Variants in RALYL observed in about 807,000 individuals in gnomAD.
RALYL encodes the protein RALY RNA binding protein like.
A neutral mutation model predicts 35.1 loss-of-function variants in RALYL; 29 were observed. The observed-to-expected ratio is 0.83, with a 90% confidence interval of 0.61 to 1.13. The LOEUF is 1.13. RALYL is among the 50% of genes most tolerant of loss of function. RALYL has a pLI of 0.00. For missense variants in RALYL, 359 were observed against 360.4 expected (o/e 1.00, Z 0.03); for synonymous variants, 120 against 127.6 (o/e 0.94, Z 0.40).
intron 1 of RALYL, among the ~76,000 whole-genome samples, chr8:84,527,790 G>A (rs2059007369): frequency 6.6e-6 from 1 of 152,110 alleles, no homozygotes; most frequent in Non-Finnish European, 1.5e-5. Flanking sequence ...ACAAGGCAGT[G>A]TTATAATCTT....
At chr8:84,541,739 A>G (rs1456947851) in intron 2 of RALYL, among the ~76,000 whole-genome samples, 1 of 152,080 alleles carries the variant, frequency 6.6e-6, no homozygotes, top group East Asian at 1.9e-4. Flanking sequence ...AGCAATATTT[A>G]GTAAATACAA....
At position 84,508,582 on chromosome 8, in the gene RALYL, G is replaced by GT. The variant is rs1379245298; in HGVS notation, c.-23-20716dup. On this transcript the variant is annotated intron_variant, in intron 1 of 8. Coordinates refer to ENST00000521268, the MANE Select transcript of RALYL (RefSeq NM_173848.7). ...TAAAAATCTTGAAAGGATCTGTAGT[G>GT]TGGCATATATGCTGATTATTAAAAC... Among the ~76,000 whole-genome samples, 4 of 152,044 alleles carry GT rather than the reference G, an allele frequency of 2.6e-5. No homozygotes were observed. The South Asian group carries it at 6.2e-4, about 24-fold the overall frequency.
chr8:84,192,834 T>C (rs1814257959), intron 1 of RALYL, among the ~76,000 whole-genome samples: 1 of 138,818 alleles, frequency 7.2e-6, no homozygotes, highest in Non-Finnish European at 1.5e-5. Context: ...GGAATCACCG[T>C]GCCCAGCCCG....
chr8:84,236,944 G>C (rs1305304641), intron 1 of RALYL, among the ~76,000 whole-genome samples: 1 of 152,144 alleles, frequency 6.6e-6, no homozygotes, highest in Non-Finnish European at 1.5e-5. Flanking sequence ...CACCTAATTA[G>C]TAAGTAAATG....
intron 1 of RALYL, among the ~76,000 whole-genome samples, chr8:84,477,709 A>AGAATT (rs71271998): frequency 0.36 from 54,934 of 150,690 alleles, 10,087 homozygotes; most frequent in South Asian, 0.52. Flanking sequence ...TTTAGTGAAA[A>AGAATT]GAATTAAAGC....
intron 6 of RALYL, among the ~76,000 whole-genome samples, chr8:84,863,918 G>A (rs1056638722): frequency 1.3e-5 from 2 of 152,132 alleles, no homozygotes; most frequent in African/African-American, 4.8e-5. Flanking sequence ...TCTGCAACTC[G>A]TTGGAGGTTA....
At chr8:84,591,400 C>T (rs1418852916) in intron 2 of RALYL, among the ~76,000 whole-genome samples, 2 of 152,164 alleles carry the variant, frequency 1.3e-5, no homozygotes, top group East Asian at 1.9e-4. Flanking sequence ...TGGGTCGCTT[C>T]GCCTTGCCAC....
At chr8:84,337,327 T>C (rs981583850) in intron 1 of RALYL, among the ~76,000 whole-genome samples, 4 of 150,364 alleles carry the variant, frequency 2.7e-5, no homozygotes, top group African/African-American at 9.9e-5. Context: ...CAGGAATGAA[T>C]TGTTTTTTTT....
chr8:84,452,447 A>G (rs1587397512), intron 1 of RALYL, among the ~76,000 whole-genome samples: 2 of 151,952 alleles, frequency 1.3e-5, no homozygotes, highest in South Asian at 4.1e-4. Flanking sequence ...CTCATTGCCA[A>G]TTATGAAAGT....
chr8:84,425,546 G>C (rs1390416599), intron 1 of RALYL, among the ~76,000 whole-genome samples: 2 of 152,174 alleles, frequency 1.3e-5, no homozygotes, highest in South Asian at 2.1e-4. Flanking sequence ...GACTGGAGCT[G>C]TTCCTATTCG....
chr8:84,210,106 G>T (rs1819099539), intron 1 of RALYL, among the ~76,000 whole-genome samples: 1 of 152,052 alleles, frequency 6.6e-6, no homozygotes, highest in Admixed American at 6.6e-5. Flanking sequence ...ACAGTACACA[G>T]CTCAAGGTAG....
chr8:84,711,570 T>G (rs1589142335), intron 2 of RALYL, among the ~76,000 whole-genome samples: 1 of 152,116 alleles, frequency 6.6e-6, no homozygotes, highest in African/African-American at 2.4e-5. Context: ...AATCTTCCTA[T>G]GAGAAAAAGT....
intron 1 of RALYL, among the ~76,000 whole-genome samples, chr8:84,327,244 TTTTGAG>T (rs1178760418): frequency 2.6e-5 from 4 of 151,838 alleles, no homozygotes; most frequent in Non-Finnish European, 5.9e-5. Flanking sequence ...TTGTAAATGA[TTTTGAG>T]TTTAATTAGG....
chr8:84,723,354 C>T (rs777931196), intron 2 of RALYL, among the ~76,000 whole-genome samples: 3 of 151,984 alleles, frequency 2.0e-5, no homozygotes, highest in Non-Finnish European at 2.9e-5. Flanking sequence ...CAGTGCAGTA[C>T]TGACTTACTG....
At chr8:84,584,793 T>A (rs1290337579) in intron 2 of RALYL, among the ~76,000 whole-genome samples, 2 of 152,104 alleles carry the variant, frequency 1.3e-5, no homozygotes, top group South Asian at 2.1e-4. Context: ...GTGGGATCCC[T>A]AAGTTGAGAA....
At chr8:84,845,652 G>T (rs73299291) in intron 4 of RALYL, among the ~76,000 whole-genome samples, 5,560 of 152,190 alleles carry the variant, frequency 0.037, 333 homozygotes, top group African/African-American at 0.13. Flanking sequence ...TTGCTGTGCA[G>T]AAGTTCTTGA....
intron 1 of RALYL, among the ~76,000 whole-genome samples, chr8:84,490,344 G>A (rs1328160410): frequency 1.3e-5 from 2 of 151,876 alleles, no homozygotes; most frequent in South Asian, 2.1e-4. Flanking sequence ...ATCCCTCAAG[G>A]GGCCATAGCA....
At chr8:84,302,387 A>T (rs77187958) in intron 1 of RALYL, among the ~76,000 whole-genome samples, 3,417 of 152,254 alleles carry the variant, frequency 0.022, 126 homozygotes, top group African/African-American at 0.077. Flanking sequence ...AAACATTCAG[A>T]CAGCTTTCCT....
At chr8:84,792,719 C>T (rs6987869) in intron 3 of RALYL, among the ~76,000 whole-genome samples, 1,599 of 152,248 alleles carry the variant, frequency 0.011, 38 homozygotes, top group African/African-American at 0.037. Flanking sequence ...TTTTTCTTCA[C>T]ATAGTCTCTC....
Sources: gnomAD v4.1 joint callset for allele counts (sites outside exome capture counted in the v4.1 genomes callset) on GRCh38, gnomAD v4.1.1 for gene constraint, MANE v1.5 for transcripts, NCBI Gene and HGNC (gene_info 2026-07-23, HGNC 2026-07-21) for gene names.